Variants in ZNFX1 observed in about 807,000 individuals in gnomAD.
ZNFX1 encodes NFX1-type zinc finger-containing protein 1.
In ZNFX1, 78 loss-of-function variants were observed where a neutral mutation model predicts 179.8. The observed-to-expected ratio is 0.43, with a 90% CI of 0.36 to 0.52. The LOEUF (loss-of-function observed/expected upper bound fraction) is 0.52, where lower values mean the gene tolerates loss of function less well. Ranked by LOEUF, ZNFX1 falls within the 20% of genes least tolerant of loss-of-function variation. The pLI is 0.00. For synonymous variants in ZNFX1, 848 were observed against 868.5 expected, an observed-to-expected ratio of 0.98 and a Z score of 0.42; for missense variants, 1,927 against 2,386.6, an observed-to-expected ratio of 0.81 and a Z score of 4.01.
At position 49,271,595 on chromosome 20, in the gene ZNFX1, T is replaced by C. The variant is rs745905167; in HGVS notation, c.217A>G (p.Met73Val). Residue 73 changes from methionine (M) to valine (V), a missense_variant, in exon 3 of 14, where the codon ATG (methionine) becomes GTG (valine). Physicochemically the swap from Met to Val is conservative, Grantham distance 21 (BLOSUM62 1). Transcript: ENST00000396105. ...YWQREERFRA[M>V]GRNPHQGRRN... ...CTTCCTTGATGTGGGTTCCTGCCCA[T>C]GGCCCTAAATCTCTCTTCCCTCTGC... is the stretch of plus-strand genomic sequence containing the variant. The C allele has an allele frequency of 3.1e-6, 5 of 1,614,180 alleles. No homozygotes were observed. Among genetic ancestry groups the C allele is most frequent in the Non-Finnish European group, 4.2e-6 (5 of 1,180,022 alleles).
At chr20:49,253,358 A>G (rs1160079159) in intron 11 of ZNFX1, among the ~76,000 whole-genome samples, 1 of 152,118 alleles carries the variant, frequency 6.6e-6, no homozygotes, top group African/African-American at 2.4e-5. Context: ...TGTAGAGTGC[A>G]TTAAAAGGTA....
At chr20:49,275,316 A>G (rs932407303) in intron 2 of ZNFX1, among the ~76,000 whole-genome samples, 13 of 151,904 alleles carry the variant, frequency 8.6e-5, no homozygotes, top group African/African-American at 2.9e-4. Context: ...TAATTCATGA[A>G]GTAATTAAGA....
chr20:49,252,962 A>G, intron 11 of ZNFX1, 132 bp from the exon 12 acceptor site: 1 of 682,978 alleles, frequency 1.5e-6, no homozygotes, highest in Non-Finnish European at 2.6e-6. Flanking sequence ...CTACATACTC[A>G]CAGTTTAAGG....
Position 49,260,447 on chromosome 20 carries a change from G to A in ZNFX1, c.2416+16C>T. 6.4e-7 allele frequency: 1 copy of A among 1,557,438 alleles called. No homozygotes were observed. Among genetic ancestry groups the A allele is most frequent in the Non-Finnish European group, 8.8e-7 (1 of 1,132,078 alleles). On this transcript the variant is annotated intron_variant, in intron 7 of 13. Coordinates refer to ENST00000396105, the MANE Select transcript of ZNFX1 (RefSeq NM_021035.3). ...CTACGTTAAGATTTGATTCTAGGAA[G>A]ACATGCACTTCTTACCTGTATTCTC...
Position 49,269,932 on chromosome 20 carries a change from T to G in ZNFX1, c.1870+10A>C. 3 of 1,573,358 alleles carry G rather than the reference T, an allele frequency of 1.9e-6. No individual in the cohort carries two copies. Among genetic ancestry groups the G allele is most frequent in the East Asian group, 2.2e-5 (1 of 44,480 alleles). ...GCAGATCTTATGTACTCTAAAAAATTTTGTCTTACCTGTTCCAGGAGGTCC... is the reference window on the plus strand; with the variant it reads ...GCAGATCTTATGTACTCTAAAAAATGTTGTCTTACCTGTTCCAGGAGGTCC... On this transcript the variant is annotated intron_variant, in intron 3 of 13. Transcript: ENST00000396105.
chr20:49,275,101 C>T (rs6125607), intron 2 of ZNFX1, among the ~76,000 whole-genome samples: 46,162 of 150,348 alleles, frequency 0.31, 8,272 homozygotes, highest in Middle Eastern at 0.46. Flanking sequence ...CCAGCCTGGG[C>T]GAAAGAGCGA....
chr20:49,254,151 C>T (rs1391473856), intron 10 of ZNFX1, among the ~76,000 whole-genome samples: 1 of 152,022 alleles, frequency 6.6e-6, no homozygotes, highest in Non-Finnish European at 1.5e-5. Context: ...CCCAGCCTCC[C>T]GAGTAGCCAG....
Position 49,247,822 on chromosome 20 carries a change from T to G in ZNFX1, c.5202A>C (p.Leu1734=). The change falls in exon 14 of 14, where the codon CTA becomes CTC. Residue 1734 remains leucine (L), a synonymous_variant. Coordinates refer to ENST00000396105, the MANE Select transcript of ZNFX1 (RefSeq NM_021035.3). ...TGGCCAGCCACTCATGGACCTGTTC[T>G]AGTCGAGTCCTCACTCTTTTCTCTT... The part of the protein sequence containing the change: ...VLEEKRVRTR[L]EQVHEWLAKK... 1 of 1,614,194 alleles carries G rather than the reference T, an allele frequency of 6.2e-7. No individual in the cohort carries two copies. The highest frequency in any genetic ancestry group is 8.5e-7 in the Non-Finnish European group (1 of 1,180,030).
At chr20:49,264,516 C>T (rs1479798767) in intron 5 of ZNFX1, among the ~76,000 whole-genome samples, 200 bp downstream of exon 5, 2 of 152,028 alleles carry the variant, frequency 1.3e-5, no homozygotes, top group Non-Finnish European at 2.9e-5. Context: ...GGCAGTGTTT[C>T]CTTGTCTTTT....
chr20:49,276,922 T>A (rs1269966654), intron 1 of ZNFX1, among the ~76,000 whole-genome samples: 1 of 152,094 alleles, frequency 6.6e-6, no homozygotes, highest in Non-Finnish European at 1.5e-5. Context: ...TTATTTTCAA[T>A]TCTCCGAGGG....
chr20:49,258,167 C>T (rs1981019445), intron 7 of ZNFX1, among the ~76,000 whole-genome samples: 1 of 148,100 alleles, frequency 6.8e-6, no homozygotes, highest in South Asian at 2.1e-4. Flanking sequence ...ACAATCTTGG[C>T]TCACCACAAC....
At chr20:49,266,611 C>A (rs1174014900) in intron 3 of ZNFX1, among the ~76,000 whole-genome samples, 1 of 148,768 alleles carries the variant, frequency 6.7e-6, no homozygotes, top group Non-Finnish European at 1.5e-5. Flanking sequence ...ATTTTTTTCA[C>A]TTAATGTATC....
chr20:49,249,662 T>C lies in ZNFX1; in HGVS notation c.3362A>G (p.Glu1121Gly). The change falls in exon 14 of 14, where the codon GAA becomes GGA. Residue 1121 changes from glutamate (E) to glycine (G), a missense_variant. Physicochemically the swap from Glu to Gly is moderately conservative, Grantham distance 98. Transcript: ENST00000396105. ...FFVEHNFPEQEIQEGKSHQNQ... is the reference protein window; with the variant it reads ...FFVEHNFPEQGIQEGKSHQNQ... ...CTGATGGCTTTTGCCCTCTTGGATT[T>C]CCTGTTCAGGAAAGTTGTGTTCTAC... 1 of 1,614,134 alleles carries C rather than the reference T, an allele frequency of 6.2e-7. No homozygotes were observed. The highest frequency in any genetic ancestry group is 8.5e-7 in the Non-Finnish European group (1 of 1,179,998).
chr20:49,252,383 C>G (rs188848475), intron 12 of ZNFX1, among the ~76,000 whole-genome samples: 45 of 151,690 alleles, frequency 3.0e-4, no homozygotes, highest in African/African-American at 1.1e-3. Context: ...CTCAGGTGAT[C>G]TGCCCACCTT....
intron 13 of ZNFX1, 94 bp downstream of exon 13, chr20:49,251,433 G>C: frequency 1.8e-6 from 2 of 1,132,946 alleles, no homozygotes; most frequent in Non-Finnish European, 2.5e-6. Context: ...GAGCCACCGC[G>C]CCTGGCCGCT....
intron 3 of ZNFX1, 32 bp from the exon 4 acceptor site, chr20:49,266,298 T>C: frequency 1.3e-6 from 2 of 1,563,730 alleles, no homozygotes; most frequent in Non-Finnish European, 1.7e-6. Flanking sequence ...ATTTAACAAT[T>C]TAGACATTTT....
At chr20:49,251,761 G>A (rs1980842640) in intron 12 of ZNFX1, 139 bp from the exon 13 acceptor site, 1 of 604,160 alleles carries the variant, frequency 1.7e-6, no homozygotes, top group Non-Finnish European at 2.8e-6. Flanking sequence ...ACTTTGGGAA[G>A]CCAAGGCAGG....
chr20:49,254,067 C>T (rs1055161534), intron 10 of ZNFX1, among the ~76,000 whole-genome samples: 1 of 151,678 alleles, frequency 6.6e-6, no homozygotes, highest in African/African-American at 2.4e-5. Flanking sequence ...CACTCTGTCA[C>T]CCAGGCTGGA....
chr20:49,250,999 G>A (rs1980822709), intron 13 of ZNFX1, among the ~76,000 whole-genome samples: 1 of 152,146 alleles, frequency 6.6e-6, no homozygotes, highest in South Asian at 2.1e-4. Context: ...GTAAGCCACC[G>A]CGCCTGGCCA....
Sources: allele counts gnomAD v4.1 joint callset (sites outside exome capture counted in the v4.1 genomes callset), GRCh38; gene constraint gnomAD v4.1.1; transcripts MANE v1.5; gene names NCBI Gene and HGNC (gene_info 2026-07-23, HGNC 2026-07-21).